LRRC4C: variants seen among roughly 807,000 people sequenced by gnomAD.
The protein encoded by LRRC4C is leucine rich repeat containing 4C.
In LRRC4C, 5 loss-of-function variants were observed where a neutral mutation model predicts 33.6. The ratio of observed to expected loss-of-function variants is 0.15; its 90% CI spans 0.08 to 0.31. The LOEUF is 0.31. LRRC4C is among the 10% of genes least tolerant of loss of function. The probability of loss-of-function intolerance (pLI) is 1.00; values close to 1 mark genes in which losing one functional copy is unlikely to be tolerated. For synonymous variants in LRRC4C, 329 were observed against 302.0 expected, an observed-to-expected ratio of 1.09 and a Z score of -0.93; for missense variants, 560 against 796.7, an observed-to-expected ratio of 0.70 and a Z score of 3.58.
chr11:41,083,316 T>C (rs11036222), intron 1 of LRRC4C, among the ~76,000 whole-genome samples: 24,835 of 152,006 alleles, frequency 0.16, 2,143 homozygotes, highest in East Asian at 0.21. Context: ...GAGTTACCCA[T>C]ACACTAGCAG....
At chr11:41,379,523 G>A (rs941060768) in intron 1 of LRRC4C, among the ~76,000 whole-genome samples, 14 of 152,102 alleles carry the variant, frequency 9.2e-5, no homozygotes. Context: ...CACAAGATAA[G>A]TATTTTATAT....
At chr11:40,580,098 T>C (rs1958402443) in intron 3 of LRRC4C, among the ~76,000 whole-genome samples, 1 of 149,896 alleles carries the variant, frequency 6.7e-6, no homozygotes, top group Non-Finnish European at 1.5e-5. Context: ...CCTTTCAAGA[T>C]GAAAGGGAGT....
intron 3 of LRRC4C, among the ~76,000 whole-genome samples, chr11:40,492,955 G>T (rs1344955163): frequency 1.3e-5 from 2 of 151,794 alleles, no homozygotes; most frequent in Non-Finnish European, 1.5e-5. Context: ...ATTCCCAAGG[G>T]CCATCTTTTC....
At chr11:41,390,296 ACAAT>A (rs1428337561) in intron 1 of LRRC4C, among the ~76,000 whole-genome samples, 2 of 151,938 alleles carry the variant, frequency 1.3e-5, no homozygotes, top group Non-Finnish European at 2.9e-5. Flanking sequence ...TTTAGGAGAA[ACAAT>A]CAGTCTTCAG....
chr11:40,392,129 T>C (rs1262337787), intron 3 of LRRC4C, among the ~76,000 whole-genome samples: 1 of 151,682 alleles, frequency 6.6e-6, no homozygotes, highest in African/African-American at 2.4e-5. Context: ...TTGCTAGGGG[T>C]TTGTGGGGAT....
At chr11:41,354,119 A>G (rs1376838658) in intron 1 of LRRC4C, among the ~76,000 whole-genome samples, 2 of 152,202 alleles carry the variant, frequency 1.3e-5, no homozygotes, top group Non-Finnish European at 2.9e-5. Context: ...TTCTATACCT[A>G]GAAAACCCCA....
At chr11:41,030,012 C>A (rs1450020829) in intron 1 of LRRC4C, among the ~76,000 whole-genome samples, 9 of 151,792 alleles carry the variant, frequency 5.9e-5, no homozygotes, top group Non-Finnish European at 1.5e-5. Flanking sequence ...CTTGATACTG[C>A]AGGGTGAACA....
intron 5 of LRRC4C, among the ~76,000 whole-genome samples, chr11:40,222,994 T>C (rs1020071189): frequency 2.1e-5 from 3 of 142,156 alleles, no homozygotes; most frequent in African/African-American, 7.8e-5. Flanking sequence ...AGCGGTCTCA[T>C]TGGAGCAAAG....
intron 2 of LRRC4C, among the ~76,000 whole-genome samples, chr11:40,928,182 AGAT>A (rs1381239896): frequency 6.6e-6 from 1 of 151,858 alleles, no homozygotes; most frequent in East Asian, 1.9e-4. Flanking sequence ...AAGGACTTTC[AGAT>A]GATGATATGA....
At chr11:40,193,689 AG>A (rs1251796520) in intron 5 of LRRC4C, among the ~76,000 whole-genome samples, 4 of 152,166 alleles carry the variant, frequency 2.6e-5, no homozygotes, top group Non-Finnish European at 1.5e-5. Context: ...AACCCAATGC[AG>A]GGAAGCTAAG....
At chr11:41,403,415 T>C (rs576350983) in intron 1 of LRRC4C, among the ~76,000 whole-genome samples, 1 of 152,238 alleles carries the variant, frequency 6.6e-6, no homozygotes, top group African/African-American at 2.4e-5. Flanking sequence ...CATATATGTT[T>C]ATTTTTAAGT....
chr11:40,915,537 G>A (rs1158202141), intron 2 of LRRC4C, among the ~76,000 whole-genome samples: 3 of 150,530 alleles, frequency 2.0e-5, no homozygotes, highest in African/African-American at 4.9e-5. Flanking sequence ...CCTTATACAA[G>A]AATTAATTCA....
chr11:41,311,472 C>T (rs2922034), intron 1 of LRRC4C, among the ~76,000 whole-genome samples: 60,836 of 151,950 alleles, frequency 0.4, 12,721 homozygotes, highest in Middle Eastern at 0.46. Context: ...AGTTACATCA[C>T]ATAAACTACT....
At chr11:40,734,611 G>A (rs145861806) in intron 2 of LRRC4C, among the ~76,000 whole-genome samples, 150 of 152,192 alleles carry the variant, frequency 9.9e-4, no homozygotes, top group African/African-American at 3.5e-3. Context: ...TTGATCTACC[G>A]TAAGTCACCT....
At chr11:40,255,153 T>A (rs1867104311) in intron 4 of LRRC4C, among the ~76,000 whole-genome samples, 1 of 152,014 alleles carries the variant, frequency 6.6e-6, no homozygotes, top group Non-Finnish European at 1.5e-5. Flanking sequence ...TCCCAGTCAA[T>A]CAGGGAGGAT....
intron 3 of LRRC4C, among the ~76,000 whole-genome samples, chr11:40,476,517 T>C (rs1953241892): frequency 6.6e-6 from 1 of 151,922 alleles, no homozygotes; most frequent in South Asian, 2.1e-4. Context: ...GGCTAATTTT[T>C]GTATTTTTAC....
intron 3 of LRRC4C, among the ~76,000 whole-genome samples, chr11:40,352,103 C>A (rs2137089830): frequency 9.4e-6 from 1 of 105,940 alleles, no homozygotes; most frequent in East Asian, 2.6e-4. Flanking sequence ...TCCTTTTTTC[C>A]TTTCTTTCTT....
chr11:40,662,268 C>T (rs1264941742), intron 2 of LRRC4C, among the ~76,000 whole-genome samples: 1 of 152,122 alleles, frequency 6.6e-6, no homozygotes, highest in Non-Finnish European at 1.5e-5. Flanking sequence ...ATATCTTATT[C>T]ATTCTTACCC....
At chr11:40,884,074 C>T (rs1229545410) in intron 2 of LRRC4C, among the ~76,000 whole-genome samples, 2 of 151,958 alleles carry the variant, frequency 1.3e-5, no homozygotes, top group African/African-American at 2.4e-5. Flanking sequence ...TTCCCCCTAC[C>T]CCGTGACAGG....
Sources: gnomAD v4.1 joint callset for allele counts (sites outside exome capture counted in the v4.1 genomes callset) on GRCh38, gnomAD v4.1.1 for gene constraint, MANE v1.5 for transcripts, NCBI Gene and HGNC (gene_info 2026-07-23, HGNC 2026-07-21) for gene names.